APOOL: variants seen among roughly 807,000 people sequenced by gnomAD.
APOOL encodes MICOS complex subunit MIC27.
Under a neutral mutation model 23.1 loss-of-function variants are expected in APOOL, and 12 were observed. The ratio of observed to expected loss-of-function variants is 0.52; its 90% CI spans 0.33 to 0.84. APOOL has a LOEUF of 0.84. Among genes scored for constraint, APOOL ranks in the 40% least tolerant of loss-of-function variants. The pLI, the probability that APOOL is intolerant of heterozygous loss-of-function variation, is 0.02. For missense variants in APOOL, 212 were observed against 199.6 expected (o/e 1.06, Z -0.37); for synonymous variants, 77 against 69.9 (o/e 1.10, Z -0.51).
intron 1 of APOOL, 47 bp from the exon 2 acceptor site, chrX:85,046,399 T>A: frequency 9.6e-7 from 1 of 1,037,957 alleles, no homozygotes; most frequent in East Asian, 3.1e-5. Flanking sequence ...AAATGGAAGA[T>A]GGAAAGCTTT....
intron 5 of APOOL, among the ~76,000 whole-genome samples, chrX:85,058,974 C>G (rs746069594): frequency 2.8e-3 from 305 of 107,360 alleles, no homozygotes; most frequent in Middle Eastern, 9.3e-3. Context: ...TGTGCTGCAC[C>G]CATTAACTCG....
chrX:85,022,502 A>C (rs1406842724), intron 1 of APOOL, among the ~76,000 whole-genome samples: 3 of 112,222 alleles, frequency 2.7e-5, no homozygotes, highest in Non-Finnish European at 5.6e-5. Flanking sequence ...TCATGTCAAT[A>C]GATGCAGAAA....
intron 1 of APOOL, among the ~76,000 whole-genome samples, chrX:85,021,206 G>A (rs1269197139): frequency 9.2e-6 from 1 of 108,505 alleles, no homozygotes; most frequent in Non-Finnish European, 1.9e-5. Flanking sequence ...GACCTCAATG[G>A]ACCCAGGCTC....
intron 1 of APOOL, among the ~76,000 whole-genome samples, chrX:85,018,468 G>A (rs1015358446): frequency 5.4e-5 from 6 of 111,663 alleles, no homozygotes; most frequent in Non-Finnish European, 1.1e-4. Flanking sequence ...ACCTCCCACC[G>A]GGCCCCACCT....
intron 1 of APOOL, among the ~76,000 whole-genome samples, chrX:85,007,552 T>C (rs2087717313): frequency 9.0e-6 from 1 of 111,606 alleles, no homozygotes; most frequent in Admixed American, 9.5e-5. Flanking sequence ...TTCTAATAAT[T>C]GCAAAGTAGG....
Position 85,039,233 on chromosome X carries a change from C to CT in APOOL, c.16-7201dup, listed in dbSNP as rs1211689871. ...TGGTTTTGAGAGATTTTGGTATCGA[C>CT]TTTTTTTTTTTTAATTGCACGTGGT... On this transcript the variant is annotated intron_variant, in intron 1 of 8. Coordinates refer to ENST00000373173, the MANE Select transcript of APOOL (RefSeq NM_198450.6). Among the ~76,000 whole-genome samples, 156 of 98,292 alleles carry CT rather than the reference C, an allele frequency of 1.6e-3. 1 individual carries two copies. In the East Asian group the frequency reaches 0.017, roughly 11 times the overall value. 85.4% of individuals were successfully genotyped at this position (98,292 alleles called of 115,157 possible). A position where few individuals can be genotyped will look rare whatever the true frequency, so the allele number is the denominator to read the frequency against.
At chrX:85,031,281 G>A (rs958330316) in intron 1 of APOOL, among the ~76,000 whole-genome samples, 3 of 111,347 alleles carry the variant, frequency 2.7e-5, no homozygotes, top group Non-Finnish European at 3.8e-5. Context: ...ATGTTATTAC[G>A]TAAAATGACT....
At chrX:85,008,963 C>T (rs1921176708) in intron 1 of APOOL, among the ~76,000 whole-genome samples, 1 of 111,389 alleles carries the variant, frequency 9.0e-6, no homozygotes, top group Admixed American at 9.6e-5. Context: ...AGCTCTTTGA[C>T]CTCTTGGGTT....
At position 85,092,669 on chromosome X, in the gene APOOL, A is replaced by G. The variant is rs1360193880; in HGVS notation, c.*4991A>G. Reference sequence around the variant, plus strand: ...TCTATGCAAGACACTATGTGTGAATAATACTTCCAAATATAGTAGTTACCT... The same window carrying G: ...TCTATGCAAGACACTATGTGTGAATGATACTTCCAAATATAGTAGTTACCT... On this transcript the variant is annotated 3_prime_UTR_variant, in exon 9 of 9. Transcript: ENST00000373173. The G allele has an allele frequency of 5.7e-6, 4 of 696,278 alleles. No individual in the cohort carries two copies. Among genetic ancestry groups the G allele is most frequent in the Non-Finnish European group, 8.2e-6 (4 of 490,303 alleles). 57.4% of individuals were successfully genotyped at this position (696,278 alleles called of 1,213,427 possible). A position where few individuals can be genotyped will look rare whatever the true frequency, so the allele number is the denominator to read the frequency against.
At chrX:85,045,893 TC>T (rs1235971456) in intron 1 of APOOL, among the ~76,000 whole-genome samples, 1 of 111,816 alleles carries the variant, frequency 8.9e-6, no homozygotes. Context: ...GCAGCCTGCA[TC>T]ACTCAGTACT....
At chrX:85,035,493 G>A (rs1327035567) in intron 1 of APOOL, among the ~76,000 whole-genome samples, 1 of 111,293 alleles carries the variant, frequency 9.0e-6, no homozygotes, top group Non-Finnish European at 1.9e-5. Context: ...TGTTGGAATT[G>A]CTTTTGGTGT....
chrX:85,048,146 A>T (rs767443955), intron 2 of APOOL, among the ~76,000 whole-genome samples: 20 of 111,540 alleles, frequency 1.8e-4, no homozygotes, highest in Non-Finnish European at 3.6e-4. Flanking sequence ...TAAAGGTAAT[A>T]TTCATAAATT....
chrX:85,072,631 G>A (rs1329387284), intron 6 of APOOL, among the ~76,000 whole-genome samples: 1 of 110,924 alleles, frequency 9.0e-6, no homozygotes, highest in South Asian at 3.8e-4. Flanking sequence ...TTAAATCATC[G>A]TGCCTCAATA....
At chrX:85,086,038 G>T (rs1388991105) in intron 8 of APOOL, among the ~76,000 whole-genome samples, 1 of 112,129 alleles carries the variant, frequency 8.9e-6, no homozygotes, top group Admixed American at 9.4e-5. Context: ...TTCATGGTGG[G>T]ATTATGAGAT....
At chrX:85,062,430 T>C (rs927455409) in intron 5 of APOOL, among the ~76,000 whole-genome samples, 7 of 111,974 alleles carry the variant, frequency 6.3e-5, no homozygotes, top group Non-Finnish European at 1.1e-4. Flanking sequence ...GATTTCATGA[T>C]AAAATCTTTG....
chrX:85,020,811 A>T (rs1043170729), intron 1 of APOOL, among the ~76,000 whole-genome samples: 2 of 111,622 alleles, frequency 1.8e-5, no homozygotes, highest in African/African-American at 6.5e-5. Context: ...TAATACCTGC[A>T]GATACAGCCT....
At chrX:85,058,528 T>A (rs2147651403) in intron 5 of APOOL, among the ~76,000 whole-genome samples, 1 of 112,119 alleles carries the variant, frequency 8.9e-6, no homozygotes, top group South Asian at 3.7e-4. Context: ...AGTGCTGCAA[T>A]GAACATATGC....
chrX:85,017,742 T>C (rs1204047357), intron 1 of APOOL, among the ~76,000 whole-genome samples: 1 of 111,400 alleles, frequency 9.0e-6, no homozygotes, highest in African/African-American at 3.3e-5. Flanking sequence ...ACTTTATATT[T>C]CATGCGGCTC....
chrX:85,087,993 CAT>C lies in APOOL; in HGVS notation c.*326_*327del, dbSNP rs202099224. 2.8e-3 allele frequency: 304 copies of C among 109,030 alleles called. 3 individuals carry two copies. In the East Asian group the frequency reaches 0.037, roughly 13 times the overall value. 9.0% of individuals were successfully genotyped at this position (109,030 alleles called of 1,213,427 possible). A position where few individuals can be genotyped will look rare whatever the true frequency, so the allele number is the denominator to read the frequency against. ...CTAGTGAGATTAAAATCTAAAAATA[CAT>C]ATATATATATGTATGTATAAATACA... On this transcript the variant is annotated 3_prime_UTR_variant, in exon 9 of 9. Coordinates refer to ENST00000373173, the MANE Select transcript of APOOL (RefSeq NM_198450.6).
Sources: gnomAD v4.1 joint callset for allele counts (sites outside exome capture counted in the v4.1 genomes callset) on GRCh38, gnomAD v4.1.1 for gene constraint, MANE v1.5 for transcripts, NCBI Gene and HGNC (gene_info 2026-07-23, HGNC 2026-07-21) for gene names.